Variants in LMO7 observed in about 807,000 individuals in gnomAD.
LMO7 encodes the protein LIM domain 7, also known as LIM domain only protein 7.
LMO7 carries 120 observed loss-of-function variants against 206.5 expected under a neutral mutation model. The observed-to-expected ratio is 0.58, with a 90% CI of 0.50 to 0.68. LMO7 has a LOEUF of 0.68. LMO7 is among the 30% of genes least tolerant of loss of function. The pLI, the probability that LMO7 is intolerant of heterozygous loss-of-function variation, is 0.00. For synonymous variants in LMO7, 706 were observed against 681.5 expected, an observed-to-expected ratio of 1.04 and a Z score of -0.56; for missense variants, 1,959 against 1,957.9, an observed-to-expected ratio of 1.00 and a Z score of -0.01.
At chr13:75,850,829 T>C (rs966700556) in intron 27 of LMO7, among the ~76,000 whole-genome samples, 1 of 152,086 alleles carries the variant, frequency 6.6e-6, no homozygotes, top group African/African-American at 2.4e-5. Context: ...TTAAGACTCT[T>C]TGAAAATGTG....
In LMO7 at chr13:75,821,507, A is replaced by G. The variant is rs775460867; in HGVS notation, c.2538A>G (p.Arg846=). 1 of 1,614,108 alleles carries G rather than the reference A, an allele frequency of 6.2e-7. No homozygotes were observed. The highest frequency in any genetic ancestry group is 8.5e-7 in the Non-Finnish European group (1 of 1,179,982). The change falls in exon 14 of 31, where the codon AGA becomes AGG. Residue 846 remains arginine, a synonymous_variant. Transcript: ENST00000377534. ...CTCGTGTTTCAGCTTCTCTCCCCAGAAGTTACCGGAAAACTGATACAGTCA... is the reference window on the plus strand; with the variant it reads ...CTCGTGTTTCAGCTTCTCTCCCCAGGAGTTACCGGAAAACTGATACAGTCA... ...ESTRVSASLP[R]SYRKTDTVRL...
intron 3 of LMO7, among the ~76,000 whole-genome samples, chr13:75,758,707 C>A (rs1047197145): frequency 5.3e-5 from 8 of 151,964 alleles, no homozygotes; most frequent in African/African-American, 1.9e-4. Context: ...TCAATCTGTA[C>A]CTATTTGTCA....
intron 4 of LMO7, among the ~76,000 whole-genome samples, chr13:75,792,281 A>G (rs980499731): frequency 6.6e-6 from 1 of 152,106 alleles, no homozygotes; most frequent in African/African-American, 2.4e-5. Flanking sequence ...TTCTTGATGA[A>G]CACTTCACCA....
Position 75,841,728 on chromosome 13 carries a change from A to G in LMO7, c.3776A>G (p.Asp1259Gly), listed in dbSNP as rs745590878. ...TGGAGTGAAGGGTCCAAGTCTTCAG[A>G]CAGAGAAGGAACCCGAGCAGGAGAA... is the stretch of plus-strand genomic sequence containing the variant. ...ATWSEGSKSS[D>G]REGTRAGEEE... The change falls in exon 24 of 31, where the codon GAC becomes GGC. Residue 1259 changes from aspartate (D) to glycine (G), a missense_variant. Transcript: ENST00000377534. The G allele has an allele frequency of 8.1e-6, 13 of 1,614,076 alleles. No homozygotes were observed. In the South Asian group the frequency reaches 1.4e-4, roughly 18 times the overall value.
At chr13:75,679,114 G>A (rs867168209) in intron 1 of LMO7, among the ~76,000 whole-genome samples, 1 of 152,106 alleles carries the variant, frequency 6.6e-6, no homozygotes, top group Non-Finnish European at 1.5e-5. Flanking sequence ...TCATGACACA[G>A]AATATTTCAT....
chr13:75,684,544 C>T (rs964807734), intron 1 of LMO7, among the ~76,000 whole-genome samples: 3 of 136,268 alleles, frequency 2.2e-5, no homozygotes, highest in East Asian at 2.0e-4. Flanking sequence ...TGCGCCCGGC[C>T]GGCTTTTTTT....
At chr13:75,837,479 A>G (rs1173556026) in intron 19 of LMO7, among the ~76,000 whole-genome samples, 6 of 152,162 alleles carry the variant, frequency 3.9e-5, no homozygotes, top group Non-Finnish European at 7.4e-5. Context: ...ACTAACTAGT[A>G]TCAAGTAATA....
rs1346372039 is a variant in LMO7, at chr13:75,858,677, A to T, written c.*734A>T. The T allele has an allele frequency of 6.6e-6, 1 of 152,654 alleles. No individual in the cohort carries two copies. The highest frequency in any genetic ancestry group is 2.4e-5 in the African/African-American group (1 of 41,456). The allele number at this position is 152,654 out of a possible 1,614,324, so 9.5% of individuals were successfully genotyped here. Reference sequence around the variant, plus strand: ...GTAAATAAACTTGCTGATGCATTTAACGAGTGGGTCGTCTTTTTCTTAGGT... The same window carrying T: ...GTAAATAAACTTGCTGATGCATTTATCGAGTGGGTCGTCTTTTTCTTAGGT... On this transcript the variant is annotated 3_prime_UTR_variant, in exon 31 of 31. Transcript: ENST00000377534.
intron 4 of LMO7, among the ~76,000 whole-genome samples, chr13:75,779,361 T>A (rs558785990): frequency 6.6e-6 from 1 of 152,250 alleles, no homozygotes; most frequent in African/African-American, 2.4e-5. Context: ...ACTCATTCAA[T>A]TCATTAGTTT....
intron 6 of LMO7, among the ~76,000 whole-genome samples, chr13:75,798,757 C>T (rs1331518166): frequency 1.3e-5 from 2 of 152,184 alleles, no homozygotes; most frequent in Non-Finnish European, 2.9e-5. Flanking sequence ...TGTAGCACCT[C>T]AGTCAGTCAT....
At chr13:75,766,931 C>A (rs1362553581) in intron 4 of LMO7, among the ~76,000 whole-genome samples, 1 of 152,082 alleles carries the variant, frequency 6.6e-6, no homozygotes, top group East Asian at 1.9e-4. Flanking sequence ...GCCAACTCAT[C>A]CTCTTTTTAT....
chr13:75,709,796 A>G (rs1312211689), intron 1 of LMO7, among the ~76,000 whole-genome samples: 4 of 151,906 alleles, frequency 2.6e-5, no homozygotes, highest in Non-Finnish European at 5.9e-5. Context: ...GAAGCTCTTT[A>G]GTTTAATTAG....
chr13:75,800,656 A>C, intron 6 of LMO7, 28 bp from the exon 7 acceptor site: 1 of 1,595,028 alleles, frequency 6.3e-7, no homozygotes, highest in East Asian at 2.2e-5. Flanking sequence ...TATTTAACTT[A>C]CTATTCTTTA....
intron 13 of LMO7, among the ~76,000 whole-genome samples, chr13:75,819,956 A>C (rs1421200038): frequency 1.3e-5 from 2 of 152,230 alleles, no homozygotes; most frequent in South Asian, 4.1e-4. Context: ...GGTGCAATTC[A>C]TTATATTTTA....
chr13:75,779,347 G>A (rs947874931), intron 4 of LMO7, among the ~76,000 whole-genome samples: 1 of 152,020 alleles, frequency 6.6e-6, no homozygotes, highest in Non-Finnish European at 1.5e-5. Flanking sequence ...GGGATGGGGG[G>A]AGAACTCATT....
rs563473217 is a variant in LMO7, at chr13:75,851,023, A to G, written c.4364+1731A>G. Reference sequence around the variant, plus strand: ...CCCATGGCATGGGACCTGGGTTCAAAGAGGAAAATCTCGCACCATGGCAAT... The same window carrying G: ...CCCATGGCATGGGACCTGGGTTCAAGGAGGAAAATCTCGCACCATGGCAAT... On this transcript the variant is annotated intron_variant, in intron 27 of 30. Coordinates refer to ENST00000377534, the MANE Select transcript of LMO7 (RefSeq NM_001306080.2). 2.6e-5 allele frequency among the ~76,000 whole-genome samples: 4 copies of G among 152,304 alleles called. No individual in the cohort carries two copies. In the East Asian group the frequency reaches 7.7e-4, roughly 29 times the overall value.
chr13:75,830,668 TTAAA>T (rs2058575401), intron 15 of LMO7, among the ~76,000 whole-genome samples: 1 of 152,182 alleles, frequency 6.6e-6, no homozygotes, highest in Non-Finnish European at 1.5e-5. Flanking sequence ...TTTAAGATGT[TTAAA>T]TAGTGATTTC....
At chr13:75,848,432 T>C (rs9600561) in intron 26 of LMO7, among the ~76,000 whole-genome samples, 329 of 2,016 alleles carry the variant, frequency 0.16, no homozygotes, top group Non-Finnish European at 0.33. Flanking sequence ...TCCATGCGAT[T>C]ATCTATCTAT....
intron 1 of LMO7, chr13:75,621,898 T>G: frequency 6.6e-7 from 1 of 1,503,890 alleles, no homozygotes; most frequent in South Asian, 1.4e-5. Context: ...TACTTTTATA[T>G]TATTACTTTG....
Sources: gnomAD v4.1 joint callset for allele counts (sites outside exome capture counted in the v4.1 genomes callset) on GRCh38, gnomAD v4.1.1 for gene constraint, MANE v1.5 for transcripts, NCBI Gene and HGNC (gene_info 2026-07-23, HGNC 2026-07-21) for gene names.